POM121: variants seen among roughly 807,000 people sequenced by gnomAD.
POM121 encodes POM121 transmembrane nucleoporin, also known as nuclear envelope pore membrane protein POM 121.
A neutral mutation model predicts 81.3 loss-of-function variants in POM121; 32 were observed. That is an observed-to-expected ratio of 0.39 (90% CI 0.30 to 0.53). POM121 has a LOEUF of 0.53. Among genes scored for constraint, POM121 ranks in the 20% least tolerant of loss-of-function variants. POM121 has a pLI of 0.66. For synonymous variants in POM121, 514 were observed against 694.2 expected, an observed-to-expected ratio of 0.74 and a Z score of 4.08; for missense variants, 1,138 against 1,614.6, an observed-to-expected ratio of 0.70 and a Z score of 5.06.
chr7:72,884,576 C>CATATAAT (rs1381261774), intron 1 of POM121, among the ~76,000 whole-genome samples: 1 of 148,164 alleles, frequency 6.7e-6, no homozygotes, highest in Non-Finnish European at 1.5e-5. Flanking sequence ...CAAATATATA[C>CATATAAT]ATATATTTGA....
exon 1 of POM121, chr7:72,879,761 G>C (rs1789942750): frequency 2.1e-6 from 1 of 487,508 alleles, no homozygotes; most frequent in Non-Finnish European, 4.1e-6. Flanking sequence ...CGGGCCCCTC[G>C]GGAGCAGAAC....
intron 3 of POM121, among the ~76,000 whole-genome samples, chr7:72,895,737 C>T (rs1354970905): frequency 1.3e-5 from 2 of 151,834 alleles, no homozygotes; most frequent in South Asian, 2.1e-4. Context: ...CTGGCCAACC[C>T]GTCTCTACTA....
chr7:72,925,107 C>T lies in POM121; in HGVS notation c.-15C>T. On this transcript the variant is annotated 5_prime_UTR_variant, in exon 1 of 13. Transcript: ENST00000434423. ...CGCTGGGATATTTAAGTCTCCTCCG[C>T]GGCGCGGAGCCGCGATGTCTCCGGC... The T allele has an allele frequency of 1.4e-6, 2 of 1,398,956 alleles. No individual in the cohort carries two copies. Among genetic ancestry groups the T allele is most frequent in the Non-Finnish European group, 1.8e-6 (2 of 1,091,460 alleles). The allele number at this position is 1,398,956 out of a possible 1,614,324, so 86.7% of individuals were successfully genotyped here. A position where few individuals can be genotyped will look rare whatever the true frequency, so the allele number is the denominator to read the frequency against.
intron 3 of POM121, among the ~76,000 whole-genome samples, chr7:72,906,121 A>T (rs375967495): frequency 2.3e-4 from 35 of 152,306 alleles, no homozygotes; most frequent in Non-Finnish European, 4.0e-4. Context: ...CTGTGTCATT[A>T]TCTCTGCAGT....
intron 4 of POM121, among the ~76,000 whole-genome samples, chr7:72,916,199 C>G (rs1554495054): frequency 6.6e-6 from 1 of 152,174 alleles, no homozygotes; most frequent in Non-Finnish European, 1.5e-5. Context: ...TCAATTTTGG[C>G]TTTTGTTGCA....
At position 72,939,956 on chromosome 7, in the gene POM121, A is replaced by G. The variant is rs1554500506; in HGVS notation, c.1551A>G (p.Glu517=). The change falls in exon 8 of 13, where the codon GAA becomes GAG. Residue 517 remains glutamate (E), a synonymous_variant. Coordinates refer to ENST00000434423, the MANE Select transcript of POM121 (RefSeq NM_001387691.1). ...AGCTGCTGCCTTCTCGGCGAGGGGA[A>G]CAGCTGACCTTGGTATGGTCTTGTC... ...KVQLLPSRRG[E]QLTLPPPPQL... 6.2e-7 allele frequency: 1 copy of G among 1,605,684 alleles called. No homozygotes were observed. The highest frequency in any genetic ancestry group is 2.2e-5 in the East Asian group (1 of 44,750).
upstream of POM121, chr7:72,924,539 A>G (rs1215865326): frequency 1.3e-5 from 2 of 152,316 alleles, no homozygotes. Context: ...GCCTATAACC[A>G]TGACCAGTCA....
chr7:72,912,155 A>G (rs533764032), intron 3 of POM121, among the ~76,000 whole-genome samples: 19 of 152,322 alleles, frequency 1.2e-4, no homozygotes, highest in African/African-American at 4.3e-4. Context: ...GGCCTCCCAA[A>G]GTGCTGGGAG....
chr7:72,924,408 C>A (rs1261405020), upstream of POM121: 1 of 152,162 alleles, frequency 6.6e-6, no homozygotes, highest in Non-Finnish European at 1.5e-5. Context: ...AGTGTATTGG[C>A]AGACTACCAG....
intron 11 of POM121, among the ~76,000 whole-genome samples, chr7:72,945,330 G>A (rs1296887169): frequency 6.6e-6 from 1 of 151,852 alleles, no homozygotes; most frequent in Non-Finnish European, 1.5e-5. Flanking sequence ...GGAGGCCCAC[G>A]AGGTGGCTGC....
chr7:72,883,143 G>A (rs1367688174), intron 1 of POM121, among the ~76,000 whole-genome samples: 2 of 152,132 alleles, frequency 1.3e-5, no homozygotes, highest in Non-Finnish European at 2.9e-5. Context: ...GGGCCCACAC[G>A]ATCCTCTTGC....
intron 1 of POM121, among the ~76,000 whole-genome samples, chr7:72,888,422 C>G (rs2129574694): frequency 6.6e-6 from 1 of 152,324 alleles, no homozygotes; most frequent in Non-Finnish European, 1.5e-5. Flanking sequence ...GTTGACCAGG[C>G]TGGTCTTGAA....
chr7:72,907,932 C>G (rs1793429351), intron 3 of POM121, among the ~76,000 whole-genome samples: 1 of 152,098 alleles, frequency 6.6e-6, no homozygotes, highest in South Asian at 2.1e-4. Context: ...TGTTTTCTCT[C>G]TGTTGGTCAA....
At chr7:72,892,901 G>A (rs1178092708) in intron 3 of POM121, among the ~76,000 whole-genome samples, 2 of 152,016 alleles carry the variant, frequency 1.3e-5, no homozygotes, top group African/African-American at 4.8e-5. Context: ...TCCTGACCTT[G>A]TGATCCACCT....
At chr7:72,931,647 T>C (rs1796033803) in intron 5 of POM121, among the ~76,000 whole-genome samples, 2 of 151,862 alleles carry the variant, frequency 1.3e-5, no homozygotes, top group Admixed American at 1.3e-4. Context: ...CTTGACTCAC[T>C]GCAATCTCCG....
chr7:72,918,143 A>T (rs142927929), intron 4 of POM121, among the ~76,000 whole-genome samples: 3 of 152,224 alleles, frequency 2.0e-5, no homozygotes, highest in Non-Finnish European at 4.4e-5. Context: ...GTACAGCATC[A>T]CGGAGACAAT....
chr7:72,943,553 G>A, intron 11 of POM121, 31 bp downstream of exon 11: 2 of 1,597,254 alleles, frequency 1.3e-6, no homozygotes, highest in East Asian at 2.3e-5. Flanking sequence ...GGGCTACCGG[G>A]CCGGACACTG....
At chr7:72,914,689 T>C (rs1794134093) in intron 4 of POM121, among the ~76,000 whole-genome samples, 1 of 152,016 alleles carries the variant, frequency 6.6e-6, no homozygotes. Context: ...CTGTCTCCAG[T>C]GTTTATTGGT....
chr7:72,945,762 C>T lies in POM121; in HGVS notation c.3652+54C>T, dbSNP rs1483798934. 2.1e-5 allele frequency: 33 copies of T among 1,569,358 alleles called. No homozygotes were observed. Among genetic ancestry groups the T allele is most frequent in the Middle Eastern group, 1.9e-4 (1 of 5,154 alleles). ...CTCATCTGTCTGAGGAGGGGTTGGG[C>T]GGGGTGGCAGGTTCCTGGTCCTCTG... On this transcript the variant is annotated intron_variant, in intron 12 of 12. Coordinates refer to ENST00000434423, the MANE Select transcript of POM121 (RefSeq NM_001387691.1).
Sources: allele counts gnomAD v4.1 joint callset (sites outside exome capture counted in the v4.1 genomes callset), GRCh38; gene constraint gnomAD v4.1.1; transcripts MANE v1.5; gene names NCBI Gene and HGNC (gene_info 2026-07-23, HGNC 2026-07-21).